Variants in CD82 observed in about 807,000 individuals in gnomAD.
CD82 encodes CD82 molecule.
In CD82, 36 loss-of-function variants were observed where a neutral mutation model predicts 37.4. The ratio of observed to expected loss-of-function variants is 0.96; its 90% CI spans 0.74 to 1.27. The LOEUF (loss-of-function observed/expected upper bound fraction) is 1.27, where lower values mean the gene tolerates loss of function less well. Ranked by LOEUF, CD82 falls within the 50% of genes most tolerant of loss-of-function variation. The pLI, the probability that CD82 is intolerant of heterozygous loss-of-function variation, is 0.00. For synonymous variants in CD82, 158 were observed against 137.4 expected (o/e 1.15, Z -1.05); for missense variants, 340 against 347.0 (o/e 0.98, Z 0.16).
At chr11:44,585,846 C>T (rs1453048885) in intron 1 of CD82, among the ~76,000 whole-genome samples, 1 of 152,230 alleles carries the variant, frequency 6.6e-6, no homozygotes, top group Admixed American at 6.5e-5. Flanking sequence ...TCTCTGCCTC[C>T]TCTGAAAAAC....
intron 6 of CD82, among the ~76,000 whole-genome samples, chr11:44,613,009 C>G (rs951977370): frequency 5.3e-5 from 8 of 152,136 alleles, no homozygotes; most frequent in African/African-American, 1.7e-4. Context: ...TATGGGTTCT[C>G]TGAGCACAGC....
chr11:44,608,854 C>G (rs12577338), intron 6 of CD82, among the ~76,000 whole-genome samples: 1 of 152,346 alleles, frequency 6.6e-6, no homozygotes, highest in East Asian at 1.9e-4. Context: ...GATCCTGTCT[C>G]GAGCCGGAGC....
intron 1 of CD82, chr11:44,572,961 C>G (rs1852835595): frequency 1.3e-5 from 2 of 152,294 alleles, no homozygotes; most frequent in Non-Finnish European, 2.9e-5. Context: ...TCCTGCAGGA[C>G]CAGGTAGCAG....
At chr11:44,574,449 C>T (rs1335418017) in intron 1 of CD82, among the ~76,000 whole-genome samples, 1 of 152,194 alleles carries the variant, frequency 6.6e-6, no homozygotes, top group East Asian at 1.9e-4. Context: ...GAATTACACA[C>T]AATGTGGAAA....
At chr11:44,575,104 T>C (rs1852870649) in intron 1 of CD82, among the ~76,000 whole-genome samples, 1 of 152,220 alleles carries the variant, frequency 6.6e-6, no homozygotes, top group African/African-American at 2.4e-5. Flanking sequence ...GCTTCAGCCC[T>C]ACTGGTGGGG....
intron 7 of CD82, among the ~76,000 whole-genome samples, 183 bp downstream of exon 7, chr11:44,615,556 G>A (rs925905478): frequency 6.6e-6 from 1 of 152,202 alleles, no homozygotes; most frequent in African/African-American, 2.4e-5. Flanking sequence ...TGCTCAGGGG[G>A]CCCAGAGACT....
At chr11:44,576,310 G>A (rs925765889) in intron 1 of CD82, among the ~76,000 whole-genome samples, 1 of 152,196 alleles carries the variant, frequency 6.6e-6, no homozygotes, top group Non-Finnish European at 1.5e-5. Context: ...CAGCCATAAT[G>A]TCAGGTCAGC....
At chr11:44,596,460 G>C (rs989344921) in intron 3 of CD82, among the ~76,000 whole-genome samples, 3 of 152,242 alleles carry the variant, frequency 2.0e-5, no homozygotes, top group Non-Finnish European at 2.9e-5. Flanking sequence ...TTCATGCAGT[G>C]GGGGTTGGGG....
chr11:44,615,555 G>T (rs1221387993), intron 7 of CD82, among the ~76,000 whole-genome samples, 182 bp downstream of exon 7: 1 of 152,190 alleles, frequency 6.6e-6, no homozygotes, highest in Non-Finnish European at 1.5e-5. Context: ...CTGCTCAGGG[G>T]GCCCAGAGAC....
chr11:44,618,689 T>C lies in CD82; in HGVS notation c.692T>C (p.Ile231Thr). The stretch of plus-strand genomic sequence containing the variant: ...TGGCTGCAGGAGAACCTGGGCATCA[T>C]CCTCGGCGTGGGCGTGGGTGTGGCC... ...QAWLQENLGI[I>T]LGVGVGVAII... Residue 231 changes from isoleucine to threonine, a missense_variant, in exon 9 of 10, where the codon ATC becomes ACC. Ile to Thr is a moderately conservative substitution (Grantham distance 89). Transcript: ENST00000227155. 1 of 1,613,428 alleles carries C rather than the reference T, an allele frequency of 6.2e-7. No individual in the cohort carries two copies. The highest frequency in any genetic ancestry group is 1.1e-5 in the South Asian group (1 of 91,074).
Position 44,618,633 on chromosome 11 carries a change from C to T in CD82, c.643-7C>T. The T allele has an allele frequency of 1.2e-6, 2 of 1,609,106 alleles. No individual in the cohort carries two copies. Among genetic ancestry groups the T allele is most frequent in the Non-Finnish European group, 8.5e-7 (1 of 1,178,968 alleles). ...CGGGGTGATGTGACCGCATTCTGCC[C>T]TTGCAGGGCTGCATGGAGAAGGTGC... On this transcript the variant is annotated splice_region_variant and splice_polypyrimidine_tract_variant and intron_variant, in intron 8 of 9. Coordinates refer to ENST00000227155, the MANE Select transcript of CD82 (RefSeq NM_002231.4).
chr11:44,584,563 C>T (rs1307647164), intron 1 of CD82, among the ~76,000 whole-genome samples: 2 of 152,152 alleles, frequency 1.3e-5, no homozygotes, highest in African/African-American at 4.8e-5. Context: ...GCTGGGATTA[C>T]AGGTGTGAGC....
chr11:44,571,306 G>A (rs992984156), intron 1 of CD82, among the ~76,000 whole-genome samples: 105 of 152,160 alleles, frequency 6.9e-4, no homozygotes, highest in Non-Finnish European at 2.9e-4. Context: ...GGGGAGTGGG[G>A]AAGAAAGCCT....
chr11:44,604,824 C>T, intron 4 of CD82: 1 of 572,664 alleles, frequency 1.7e-6, no homozygotes, highest in East Asian at 3.0e-5. Flanking sequence ...AAAAATAAAG[C>T]CGGGAAGGGG....
At chr11:44,571,745 T>C (rs376851790) in intron 1 of CD82, among the ~76,000 whole-genome samples, 2 of 152,262 alleles carry the variant, frequency 1.3e-5, no homozygotes, top group South Asian at 4.1e-4. Flanking sequence ...AGGCTAATTT[T>C]TGTATTTTTA....
chr11:44,616,551 C>T (rs1368073394), intron 7 of CD82, among the ~76,000 whole-genome samples: 3 of 152,168 alleles, frequency 2.0e-5, no homozygotes, highest in Non-Finnish European at 2.9e-5. Flanking sequence ...TCAGATGCTG[C>T]TTAGGCCGGT....
At chr11:44,600,560 T>G (rs1853293360) in intron 4 of CD82, among the ~76,000 whole-genome samples, 1 of 152,180 alleles carries the variant, frequency 6.6e-6, no homozygotes, top group Non-Finnish European at 1.5e-5. Context: ...CACTTGCCCA[T>G]CCAGCAGAAT....
intron 1 of CD82, among the ~76,000 whole-genome samples, chr11:44,584,508 T>C (rs1359407574): frequency 6.6e-6 from 1 of 152,038 alleles, no homozygotes; most frequent in Non-Finnish European, 1.5e-5. Flanking sequence ...GGCTGGTCTC[T>C]AACTCCTGAC....
intron 1 of CD82, among the ~76,000 whole-genome samples, chr11:44,572,073 C>T (rs1852821915): frequency 1.3e-5 from 2 of 152,210 alleles, no homozygotes; most frequent in African/African-American, 4.8e-5. Context: ...CATGTGATGC[C>T]ACAGTGGACG....
Sources: allele counts gnomAD v4.1 joint callset (sites outside exome capture counted in the v4.1 genomes callset), GRCh38; gene constraint gnomAD v4.1.1; transcripts MANE v1.5; gene names NCBI Gene and HGNC (gene_info 2026-07-23, HGNC 2026-07-21).